The following PCDHA3 variants were observed in gnomAD, a reference collection of about 807,000 sequenced individuals.
The protein encoded by PCDHA3 is protocadherin alpha-3.
A neutral mutation model predicts 62.2 loss-of-function variants in PCDHA3; 41 were observed. That is an observed-to-expected ratio of 0.66 (90% CI 0.51 to 0.86). PCDHA3 has a LOEUF of 0.86. PCDHA3 is among the 40% of genes least tolerant of loss of function. The probability of loss-of-function intolerance (pLI) is 0.00; values close to 1 mark genes in which losing one functional copy is unlikely to be tolerated. For synonymous variants in PCDHA3, 640 were observed against 555.4 expected, an observed-to-expected ratio of 1.15 and a Z score of -2.14; for missense variants, 1,304 against 1,241.2, an observed-to-expected ratio of 1.05 and a Z score of -0.76.
In PCDHA3 at chr5:140,979,814, T is replaced by C. The variant is rs1296773498; in HGVS notation, c.2453+807T>C. 3.3e-5 allele frequency among the ~76,000 whole-genome samples: 5 copies of C among 152,232 alleles called. No homozygotes were observed. The South Asian group carries it at 8.3e-4, about 25-fold the overall frequency. On this transcript the variant is annotated intron_variant, in intron 2 of 3. Transcript: ENST00000522353. The stretch of plus-strand genomic sequence containing the variant: ...CAAATGATCACAACTATCAAAAGGA[T>C]TTAATTTTAAAGAAGAAATAATCTT...
intron 1 of PCDHA3, chr5:140,836,717 G>A: frequency 6.2e-7 from 1 of 1,612,788 alleles, no homozygotes; most frequent in South Asian, 1.1e-5. Flanking sequence ...GCCTTCCTCA[G>A]GGTCCATCCT....
intron 1 of PCDHA3, chr5:140,813,571 G>A (rs1008971816): frequency 6.6e-6 from 1 of 152,176 alleles, no homozygotes; most frequent in Non-Finnish European, 1.5e-5. Flanking sequence ...TGGAGACTGC[G>A]GGGCTGGAAA....
intron 1 of PCDHA3, among the ~76,000 whole-genome samples, chr5:140,895,039 C>T (rs1274502441): frequency 6.6e-6 from 1 of 152,060 alleles, no homozygotes. Context: ...GTCCCCCACC[C>T]ACACCATTCT....
chr5:140,836,517 G>T (rs782570045), intron 1 of PCDHA3: 2 of 1,613,750 alleles, frequency 1.2e-6, no homozygotes, highest in African/African-American at 1.3e-5. Context: ...CAGTCTGTTG[G>T]TGCTTACCCT....
chr5:140,926,997 C>G (rs782110120), intron 1 of PCDHA3: 4 of 1,612,104 alleles, frequency 2.5e-6, no homozygotes, highest in African/African-American at 2.7e-5. Flanking sequence ...GGGGCGTAGC[C>G]GTAGGCAATC....
chr5:140,869,279 T>C, intron 1 of PCDHA3: 1 of 1,613,596 alleles, frequency 6.2e-7, no homozygotes, highest in Non-Finnish European at 8.5e-7. Context: ...CTGGCGGAGC[T>C]GGTGCAGCGC....
chr5:140,937,371 T>C (rs2153632940), intron 1 of PCDHA3, among the ~76,000 whole-genome samples: 1 of 152,314 alleles, frequency 6.6e-6, no homozygotes, highest in Non-Finnish European at 1.5e-5. Context: ...TCTTAATGTT[T>C]ATGTGTGTGT....
chr5:140,853,498 C>T (rs983966911), intron 1 of PCDHA3: 1 of 976,590 alleles, frequency 1.0e-6, no homozygotes, highest in African/African-American at 1.8e-5. Flanking sequence ...AAGTTAGAAT[C>T]ATGAAACAAT....
rs782296827 is a variant in PCDHA3, at chr5:140,858,349, C to T, written c.2394+54758C>T. The T allele has an allele frequency of 9.4e-6, 15 of 1,594,268 alleles. 2 individuals are homozygous for T. ...GGGAGGGCCTGCCCAAGGCGGACCT[C>T]ATGGCCTTCAGCCCCAGCCTTCCAC... On this transcript the variant is annotated intron_variant, in intron 1 of 3. Coordinates refer to ENST00000522353, the MANE Select transcript of PCDHA3 (RefSeq NM_018906.3).
chr5:140,983,665 A>G (rs1161885514), intron 3 of PCDHA3, among the ~76,000 whole-genome samples: 3 of 152,248 alleles, frequency 2.0e-5, no homozygotes, highest in Non-Finnish European at 4.4e-5. Flanking sequence ...GGCAGAGGGT[A>G]GGATTCAAAC....
intron 1 of PCDHA3, chr5:140,859,716 A>T (rs2045984140): frequency 1.3e-5 from 2 of 154,266 alleles, no homozygotes. Flanking sequence ...CACCAAAAAA[A>T]AATTGTGGCA....
intron 1 of PCDHA3, among the ~76,000 whole-genome samples, chr5:140,939,170 A>G (rs1554212590): frequency 2.0e-5 from 3 of 152,136 alleles, no homozygotes; most frequent in Admixed American, 1.3e-4. Context: ...GTGTCTGGTA[A>G]TGGCCCACTC....
intron 1 of PCDHA3, among the ~76,000 whole-genome samples, chr5:140,838,434 A>G (rs1554137076): frequency 1.3e-5 from 2 of 151,392 alleles, no homozygotes; most frequent in Non-Finnish European, 2.9e-5. Context: ...TAAATTATAT[A>G]TTGGGTTTTG....
chr5:141,004,414 C>A (rs2153980954), intron 3 of PCDHA3, among the ~76,000 whole-genome samples: 1 of 152,330 alleles, frequency 6.6e-6, no homozygotes, highest in Non-Finnish European at 1.5e-5. Context: ...CTGACTAGAT[C>A]TCTGCCTCCT....
intron 1 of PCDHA3, among the ~76,000 whole-genome samples, chr5:140,818,022 T>A (rs1766264873): frequency 6.6e-6 from 1 of 152,256 alleles, no homozygotes; most frequent in South Asian, 2.1e-4. Context: ...ACAGCTTTAC[T>A]ATCATGTGCC....
chr5:140,869,555 G>A, intron 1 of PCDHA3: 1 of 1,614,172 alleles, frequency 6.2e-7, no homozygotes, highest in Non-Finnish European at 8.5e-7. Flanking sequence ...TCGGACTCGC[G>A]TTTTCCACTA....
intron 1 of PCDHA3, chr5:140,836,083 C>T (rs2150252253): frequency 1.9e-6 from 3 of 1,613,306 alleles, no homozygotes; most frequent in African/African-American, 2.7e-5. Context: ...GCACTGCTGG[C>T]GCCTCGGGTG....
rs2056928091 is a variant in PCDHA3 at position 140,877,191 on chromosome 5, A to C, written c.2394+73600A>C. 3 of 1,613,798 alleles carry C rather than the reference A, an allele frequency of 1.9e-6. No individual in the cohort carries two copies. The South Asian group carries it at 3.3e-5, about 18-fold the overall frequency. Reference sequence around the variant, plus strand: ...TGCTGGCGACTCCGGCTGGCAGCGCAGGAGGCGCAGTTAGCGAGTTGGTAC... The same window carrying C: ...TGCTGGCGACTCCGGCTGGCAGCGCCGGAGGCGCAGTTAGCGAGTTGGTAC... On this transcript the variant is annotated intron_variant, in intron 1 of 3. Transcript: ENST00000522353.
At chr5:140,967,524 A>G in intron 1 of PCDHA3, 1 of 1,612,564 alleles carries the variant, frequency 6.2e-7, no homozygotes, top group Non-Finnish European at 8.5e-7. Context: ...ACTAACGACA[A>G]CTCTCCTGCC....
Sources: gnomAD v4.1 joint callset for allele counts (sites outside exome capture counted in the v4.1 genomes callset) on GRCh38, gnomAD v4.1.1 for gene constraint, MANE v1.5 for transcripts, NCBI Gene and HGNC (gene_info 2026-07-23, HGNC 2026-07-21) for gene names.